The following SMO variants were observed in gnomAD, a reference collection of about 807,000 sequenced individuals.
SMO encodes the protein smoothened, frizzled class receptor.
Under a neutral mutation model 81.6 loss-of-function variants are expected in SMO, and 40 were observed. The ratio of observed to expected loss-of-function variants is 0.49; its 90% CI spans 0.38 to 0.64. The LOEUF is 0.64. Ranked by LOEUF, SMO falls within the 30% of genes least tolerant of loss-of-function variation. The probability of loss-of-function intolerance (pLI) is 0.00; values close to 1 mark genes in which losing one functional copy is unlikely to be tolerated. For synonymous variants in SMO, 434 were observed against 432.1 expected (o/e 1.00, Z -0.05); for missense variants, 916 against 1,061.1 (o/e 0.86, Z 1.90).
rs2150656750 is a variant in SMO, at chr7:129,212,204, A to T, written c.2117A>T (p.Gln706Leu). Residue 706 changes from glutamine to leucine, a missense_variant, in exon 12 of 12, where the codon CAG becomes CTG. Transcript: ENST00000249373. This position sits in a 1 kb window ranked among gnomAD's most constrained non-coding sequence, Gnocchi z 5.0. Reference protein sequence around the residue: ...PAPSTIPRLPQLPRQKCLVAA... With the variant: ...PAPSTIPRLPLLPRQKCLVAA... ...CCCAGTACCATTCCTCGACTGCCTCAGCTGCCCCGGCAGAAATGCCTGGTG... is the reference window on the plus strand; with the variant it reads ...CCCAGTACCATTCCTCGACTGCCTCTGCTGCCCCGGCAGAAATGCCTGGTG... 1.3e-6 allele frequency: 2 copies of T among 1,567,302 alleles called. No individual in the cohort carries two copies. Among genetic ancestry groups the T allele is most frequent in the South Asian group, 2.3e-5 (2 of 86,238 alleles).
rs1397772170 is a variant in SMO at position 129,191,602 on chromosome 7, T to G, written c.331+2120T>G. On this transcript the variant is annotated intron_variant, in intron 1 of 11. Transcript: ENST00000249373. The stretch of plus-strand genomic sequence containing the variant: ...GTAGGTAGAGTGAACCCAAGCCTCG[T>G]GTGAGAATCACAGCCAGGTCAGCTG... 3.3e-5 allele frequency among the ~76,000 whole-genome samples: 5 copies of G among 152,254 alleles called. No homozygotes were observed. In the South Asian group the frequency reaches 8.3e-4, roughly 25 times the overall value.
Position 129,206,250 on chromosome 7 carries a change from A to G in SMO, c.1021A>G (p.Thr341Ala), listed in dbSNP as rs1390410557. The change falls in exon 5 of 12, where the codon ACT (threonine) becomes GCT (alanine). Residue 341 changes from threonine (T) to alanine (A), a missense_variant. Transcript: ENST00000249373. The surrounding 1 kb of genome is among the most constrained non-coding windows in gnomAD (Gnocchi z 4.4). Reference sequence around the variant, plus strand: ...TGTGGTCCTCACCTATGCCTGGCACACTTCCTTCAAAGCCCTGGGCACCAC... The same window carrying G: ...TGTGGTCCTCACCTATGCCTGGCACGCTTCCTTCAAAGCCCTGGGCACCAC... ...WFVVLTYAWH[T>A]SFKALGTTYQ... The G allele has an allele frequency of 6.2e-7, 1 of 1,614,064 alleles. No individual in the cohort carries two copies. Among genetic ancestry groups the G allele is most frequent in the Non-Finnish European group, 8.5e-7 (1 of 1,179,992 alleles).
chr7:129,192,770 A>T lies in SMO; in HGVS notation c.331+3288A>T, dbSNP rs577730899. ...AGATAGAGAATGCTAGAGGAAGAAG[A>T]AGTTTAGGCAGGAGGTGTGGCTTTG... On this transcript the variant is annotated intron_variant, in intron 1 of 11. Coordinates refer to ENST00000249373, the MANE Select transcript of SMO (RefSeq NM_005631.5). 1.5e-3 allele frequency among the ~76,000 whole-genome samples: 232 copies of T among 152,230 alleles called. 1 individual carries two copies. The highest frequency in any genetic ancestry group is 2.0e-3 in the Non-Finnish European group (139 of 68,028).
At position 129,211,084 on chromosome 7, in the gene SMO, T is replaced by C. The variant is rs749648986; in HGVS notation, c.1772T>C (p.Met591Thr). Residue 591 changes from methionine to threonine, a missense_variant, in exon 10 of 12, where the codon ATG (methionine) becomes ACG (threonine). Met to Thr is a moderately conservative substitution (Grantham distance 81, BLOSUM62 -1). Coordinates refer to ENST00000249373, the MANE Select transcript of SMO (RefSeq NM_005631.5). This position sits in a 1 kb window ranked among gnomAD's most constrained non-coding sequence, Gnocchi z 4.6. ...CCAGGCCAGGAGCTGTCCTTCAGCA[T>C]GCACACTGTGTCCCACGACGGGCCC... ...QNPGQELSFS[M>T]HTVSHDGPVA... 1.9e-6 allele frequency: 3 copies of C among 1,613,038 alleles called. No homozygotes were observed. In the African/African-American group the frequency reaches 4.0e-5, roughly 21 times the overall value.
rs1793817456 is a variant in SMO, at chr7:129,208,913, G to C, written c.1357+62G>C. On this transcript the variant is annotated intron_variant, in intron 7 of 11. Transcript: ENST00000249373. This position sits in a 1 kb window ranked among gnomAD's most constrained non-coding sequence, Gnocchi z 5.2. ...GCCAGCCCAACACTGCACCCTCCTG[G>C]GGCTATGCGACCGGCAGGATGCAGT... The C allele has an allele frequency of 2.6e-6, 3 of 1,145,730 alleles. No homozygotes were observed. The highest frequency in any genetic ancestry group is 3.9e-6 in the Non-Finnish European group (3 of 765,512). 71.0% of individuals were successfully genotyped at this position (1,145,730 alleles called of 1,614,324 possible).
At position 129,205,734 on chromosome 7, in the gene SMO, G is replaced by T. The variant is rs948837758; in HGVS notation, c.872G>T (p.Arg291Leu). ...WLAQFMDGAR[R>L]EIVCRADGTM... ...GCCCAGTTCATGGATGGTGCCCGCC[G>T]AGAGATCGTCTGCCGTGCAGATGGC... is the stretch of plus-strand genomic sequence containing the variant. The change falls in exon 4 of 12, where the codon CGA (arginine) becomes CTA (leucine). Residue 291 changes from arginine (R) to leucine (L), a missense_variant. By Grantham distance (102) the Arg-to-Leu change is moderately radical. Coordinates refer to ENST00000249373, the MANE Select transcript of SMO (RefSeq NM_005631.5). 2.5e-6 allele frequency: 4 copies of T among 1,610,958 alleles called. No individual in the cohort carries two copies. The highest frequency in any genetic ancestry group is 3.3e-5 in the Admixed American group (2 of 60,014).
At chr7:129,197,297 T>A (rs576183109) in intron 1 of SMO, among the ~76,000 whole-genome samples, 10 of 152,362 alleles carry the variant, frequency 6.6e-5, no homozygotes, top group African/African-American at 2.2e-4. Context: ...GAAAGCTTTT[T>A]CTACCCTTCA....
chr7:129,200,295 C>T (rs1793649477), intron 1 of SMO, among the ~76,000 whole-genome samples: 2 of 152,076 alleles, frequency 1.3e-5, no homozygotes, highest in African/African-American at 2.4e-5. Flanking sequence ...GTGGCGGGCG[C>T]CTGTAATCCC....
Position 129,212,810 on chromosome 7 carries a change from T to C in SMO, c.*359T>C. ...TGACAGTTCCCAGAGTGGGCTTTGG[T>C]GGCCAGGGAGGCAGCCTAGCCTATG... On this transcript the variant is annotated 3_prime_UTR_variant, in exon 12 of 12. Transcript: ENST00000249373. This position sits in a 1 kb window ranked among gnomAD's most constrained non-coding sequence, Gnocchi z 5.0. 2.9e-6 allele frequency: 1 copy of C among 346,604 alleles called. No homozygotes were observed. Among genetic ancestry groups the C allele is most frequent in the Non-Finnish European group, 5.2e-6 (1 of 190,484 alleles). 21.5% of individuals were successfully genotyped at this position (346,604 alleles called of 1,614,324 possible). A position where few individuals can be genotyped will look rare whatever the true frequency, so the allele number is the denominator to read the frequency against.
chr7:129,203,659 T>C (rs1793709661), intron 2 of SMO, 70 bp downstream of exon 2: 2 of 1,268,756 alleles, frequency 1.6e-6, no homozygotes, highest in Non-Finnish European at 1.1e-6. Flanking sequence ...CAGGGTCCAG[T>C]GGGGAGCAGG....
At chr7:129,197,594 A>AT (rs1242638123) in intron 1 of SMO, among the ~76,000 whole-genome samples, 1 of 152,000 alleles carries the variant, frequency 6.6e-6, no homozygotes, top group Non-Finnish European at 1.5e-5. Context: ...CGCCCGGCTA[A>AT]TTTTTTGTAT....
intron 1 of SMO, among the ~76,000 whole-genome samples, chr7:129,195,911 C>T (rs1429580314): frequency 2.6e-5 from 4 of 151,948 alleles, no homozygotes; most frequent in African/African-American, 4.8e-5. Flanking sequence ...ACCATCCTGG[C>T]TAACACGGTG....
intron 1 of SMO, among the ~76,000 whole-genome samples, chr7:129,202,591 GACA>G (rs1430198192): frequency 1.3e-5 from 2 of 152,294 alleles, no homozygotes; most frequent in South Asian, 2.1e-4. Context: ...CTGTCTTGCT[GACA>G]ACATTTTTCC....
intron 2 of SMO, 31 bp downstream of exon 2, chr7:129,203,620 C>T (rs1793708531): frequency 6.4e-7 from 1 of 1,562,428 alleles, no homozygotes; most frequent in Non-Finnish European, 8.7e-7. Context: ...GGTCCAGGCT[C>T]TCTGGGTTGG....
Position 129,211,285 on chromosome 7 carries a change from G to C in SMO, c.1801+172G>C. ...TTCCCCCGGCCCCTCCTACCCTCTGGGGGGCTCTCCCCTCTCTGTTTCTGC... is the reference window on the plus strand; with the variant it reads ...TTCCCCCGGCCCCTCCTACCCTCTGCGGGGCTCTCCCCTCTCTGTTTCTGC... On this transcript the variant is annotated intron_variant, in intron 10 of 11. Coordinates refer to ENST00000249373, the MANE Select transcript of SMO (RefSeq NM_005631.5). This position sits in a 1 kb window ranked among gnomAD's most constrained non-coding sequence, Gnocchi z 4.6. The C allele has an allele frequency of 1.3e-6, 1 of 795,280 alleles. No homozygotes were observed. Among genetic ancestry groups the C allele is most frequent in the Non-Finnish European group, 2.1e-6 (1 of 471,744 alleles). 49.3% of individuals were successfully genotyped at this position (795,280 alleles called of 1,614,324 possible). A position where few individuals can be genotyped will look rare whatever the true frequency, so the allele number is the denominator to read the frequency against.
Position 129,208,754 on chromosome 7 carries a change from T to C in SMO, c.1265-5T>C, listed in dbSNP as rs2150652148. 2 of 1,603,464 alleles carry C rather than the reference T, an allele frequency of 1.2e-6. No homozygotes were observed. Among genetic ancestry groups the C allele is most frequent in the Non-Finnish European group, 1.7e-6 (2 of 1,170,494 alleles). Reference sequence around the variant, plus strand: ...GCTAATGTCTGAGGTCCCCCTTCTGTTCAGGAGTCATGACTCTGTTCTCCA... The same window carrying C: ...GCTAATGTCTGAGGTCCCCCTTCTGCTCAGGAGTCATGACTCTGTTCTCCA... On this transcript the variant is annotated splice_region_variant and splice_polypyrimidine_tract_variant and intron_variant, in intron 6 of 11. Coordinates refer to ENST00000249373, the MANE Select transcript of SMO (RefSeq NM_005631.5). The surrounding 1 kb of genome is among the most constrained non-coding windows in gnomAD (Gnocchi z 5.2).
intron 1 of SMO, among the ~76,000 whole-genome samples, chr7:129,192,673 T>C (rs1039095502): frequency 6.6e-6 from 1 of 152,108 alleles, no homozygotes; most frequent in African/African-American, 2.4e-5. Flanking sequence ...ATGAGTTAGA[T>C]GTGGAGCCTC....
At position 129,211,831 on chromosome 7, in the gene SMO, G is replaced by A; in HGVS notation, c.1936+61G>A. On this transcript the variant is annotated intron_variant, in intron 11 of 11. Transcript: ENST00000249373. The surrounding 1 kb of genome is among the most constrained non-coding windows in gnomAD (Gnocchi z 4.6). ...GAGCACAGAGGCTGGGGGCTTCTGG[G>A]ACTGGAGTACAGGGGCTGTCGGAGG... 1 of 1,600,004 alleles carries A rather than the reference G, an allele frequency of 6.2e-7. No homozygotes were observed. Among genetic ancestry groups the A allele is most frequent in the East Asian group, 2.2e-5 (1 of 44,832 alleles).
intron 1 of SMO, among the ~76,000 whole-genome samples, chr7:129,193,785 A>AAAAAAAAAAATATATATATATATAT (rs1563145734): frequency 3.8e-5 from 1 of 26,348 alleles, no homozygotes; most frequent in African/African-American, 1.7e-4. Context: ...AAAAAAAAAA[A>AAAAAAAAAAATATATATATATATAT]ATATATATAT....
Sources: gnomAD v4.1 joint callset for allele counts (sites outside exome capture counted in the v4.1 genomes callset) on GRCh38, gnomAD v4.1.1 for gene constraint, Gnocchi (gnomAD v3.1) non-coding constraint, MANE v1.5 for transcripts, NCBI Gene and HGNC (gene_info 2026-07-23, HGNC 2026-07-21) for gene names.